ATP2C2: variants seen among roughly 807,000 people sequenced by gnomAD.
ATP2C2 encodes calcium-transporting ATPase type 2C member 2.
ATP2C2 carries 171 observed loss-of-function variants against 110.8 expected under a neutral mutation model. The ratio of observed to expected loss-of-function variants is 1.54; its 90% confidence interval spans 1.36 to 1.75. The LOEUF is 1.75. Ranked by LOEUF, ATP2C2 falls within the 40% of genes most tolerant of loss-of-function variation. The pLI, the probability that ATP2C2 is intolerant of heterozygous loss-of-function variation, is 0.00. For synonymous variants in ATP2C2, 804 were observed against 508.4 expected (o/e 1.58, Z -7.82); for missense variants, 1,963 against 1,235.0 (o/e 1.59, Z -8.84).
intron 15 of ATP2C2, among the ~76,000 whole-genome samples, chr16:84,443,020 G>A (rs1047377853): frequency 2.6e-5 from 4 of 152,264 alleles, no homozygotes; most frequent in African/African-American, 9.6e-5. Flanking sequence ...CTCTGTGGCT[G>A]TGCAGGGTTG....
rs1053330434 is a variant in ATP2C2 at position 84,459,359 on chromosome 16, T to A, written c.2306T>A (p.Ile769Asn). ...GCCATGCAGATCCTATGGATCAACATCATCATGGATGGGCCACCGGCGCAG... is the reference window on the plus strand; with the variant it reads ...GCCATGCAGATCCTATGGATCAACAACATCATGGATGGGCCACCGGCGCAG... ...LNAMQILWIN[I>N]IMDGPPAQSL... The change falls in exon 23 of 27, where the codon ATC (isoleucine) becomes AAC (asparagine). Residue 769 changes from isoleucine to asparagine, a missense_variant. Coordinates refer to ENST00000262429, the MANE Select transcript of ATP2C2 (RefSeq NM_014861.4). 2.5e-6 allele frequency: 4 copies of A among 1,614,164 alleles called. No homozygotes were observed. The highest frequency in any genetic ancestry group is 3.4e-6 in the Non-Finnish European group (4 of 1,180,018).
intron 15 of ATP2C2, among the ~76,000 whole-genome samples, chr16:84,443,177 G>T (rs1365938009): frequency 6.6e-6 from 1 of 152,090 alleles, no homozygotes; most frequent in Non-Finnish European, 1.5e-5. Context: ...GGCTGGGAAT[G>T]CAGGTGACAG....
Position 84,422,441 on chromosome 16 carries a change from T to C in ATP2C2, c.676T>C (p.Cys226Arg), listed in dbSNP as rs1907426176. 6 of 1,614,134 alleles carry C rather than the reference T, an allele frequency of 3.7e-6. 1 individual carries two copies. In the African/African-American group the frequency reaches 4.0e-5, roughly 11 times the overall value. ...CAGTTTCACCGGGGAAGCCGAGCCA[T>C]GTAGTAAAACAGACAGCCCCTTGAC... is the stretch of plus-strand genomic sequence containing the variant. Reference protein sequence around the residue: ...ESSFTGEAEPCSKTDSPLTGG... With the variant: ...ESSFTGEAEPRSKTDSPLTGG... Residue 226 changes from cysteine to arginine, a missense_variant, in exon 8 of 27, where the codon TGT becomes CGT. By Grantham distance (180) the Cys-to-Arg change is radical. Transcript: ENST00000262429.
intron 7 of ATP2C2, among the ~76,000 whole-genome samples, chr16:84,418,204 C>A (rs1007650246): frequency 2.6e-5 from 4 of 152,302 alleles, no homozygotes; most frequent in Admixed American, 2.0e-4. Flanking sequence ...GGGCATGAGC[C>A]CTGTGTGTGG....
chr16:84,433,305 C>G (rs928026624), intron 11 of ATP2C2, among the ~76,000 whole-genome samples: 33 of 152,060 alleles, frequency 2.2e-4, no homozygotes, highest in African/African-American at 8.0e-4. Flanking sequence ...ATTGCTTGAG[C>G]CTGGGAAGTC....
chr16:84,400,663 A>G (rs920550815), intron 2 of ATP2C2, among the ~76,000 whole-genome samples: 1 of 152,232 alleles, frequency 6.6e-6, no homozygotes, highest in African/African-American at 2.4e-5. Context: ...CAAACTGTTC[A>G]CCAGTCATAC....
intron 1 of ATP2C2, among the ~76,000 whole-genome samples, chr16:84,392,612 G>A (rs748971218): frequency 1.1e-4 from 17 of 152,206 alleles, no homozygotes; most frequent in East Asian, 1.9e-4. Context: ...ACAGGTGCCC[G>A]CCACCACGCC....
At chr16:84,382,196 T>G (rs981385020) in intron 1 of ATP2C2, among the ~76,000 whole-genome samples, 1 of 152,182 alleles carries the variant, frequency 6.6e-6, no homozygotes, top group African/African-American at 2.4e-5. Flanking sequence ...CCATGCGTTC[T>G]CATTGTTCAA....
rs145131999 is a variant in ATP2C2 at position 84,447,471 on chromosome 16, G to C, written c.1503+1041G>C. ...AGAGGTAATTCTATTTTAAGTCTGGGATGGAGCATTGCAGATTTTAAATAT... is the reference window on the plus strand; with the variant it reads ...AGAGGTAATTCTATTTTAAGTCTGGCATGGAGCATTGCAGATTTTAAATAT... On this transcript the variant is annotated intron_variant, in intron 16 of 26. Transcript: ENST00000262429. 2.2e-3 allele frequency among the ~76,000 whole-genome samples: 330 copies of C among 151,846 alleles called. 1 individual carries two copies. The highest frequency in any genetic ancestry group is 6.8e-3 in the Middle Eastern group (2 of 294).
At chr16:84,400,555 C>A (rs920411122) in intron 2 of ATP2C2, among the ~76,000 whole-genome samples, 19 of 152,168 alleles carry the variant, frequency 1.2e-4, no homozygotes, top group African/African-American at 4.3e-4. Context: ...TCTCGATCTC[C>A]TGACCTCATG....
chr16:84,397,701 T>C (rs1905082394), intron 1 of ATP2C2, among the ~76,000 whole-genome samples: 1 of 121,778 alleles, frequency 8.2e-6, no homozygotes, highest in South Asian at 2.8e-4. Flanking sequence ...GCATCAGTAT[T>C]AGCCAACAAC....
chr16:84,427,451 C>T (rs994435537), intron 11 of ATP2C2, among the ~76,000 whole-genome samples: 1 of 152,116 alleles, frequency 6.6e-6, no homozygotes, highest in Non-Finnish European at 1.5e-5. Context: ...GGCGCGGTGG[C>T]TCATACCTGT....
intron 3 of ATP2C2, 82 bp from the exon 4 acceptor site, chr16:84,408,323 C>A: frequency 1.5e-6 from 2 of 1,359,728 alleles, no homozygotes; most frequent in Non-Finnish European, 2.1e-6. Flanking sequence ...AGACCCCTGT[C>A]ACACAAACTT....
intron 15 of ATP2C2, among the ~76,000 whole-genome samples, chr16:84,442,947 T>C (rs1909407602): frequency 6.6e-6 from 1 of 151,982 alleles, no homozygotes. Flanking sequence ...GAGGCACCAC[T>C]GGGAGGGGCT....
intron 11 of ATP2C2, among the ~76,000 whole-genome samples, chr16:84,431,214 A>AGAAG (rs1908248793): frequency 6.6e-6 from 1 of 152,030 alleles, no homozygotes; most frequent in African/African-American, 2.4e-5. Context: ...GGAGGTAGAA[A>AGAAG]CCAGCTGGGC....
At chr16:84,455,636 C>A (rs1049029236) in intron 21 of ATP2C2, among the ~76,000 whole-genome samples, 19 of 151,744 alleles carry the variant, frequency 1.3e-4, no homozygotes, top group African/African-American at 4.6e-4. Flanking sequence ...TGAGGGAAAA[C>A]TTTTTAAGCC....
At chr16:84,402,685 T>C (rs1246079572) in intron 2 of ATP2C2, among the ~76,000 whole-genome samples, 1 of 152,224 alleles carries the variant, frequency 6.6e-6, no homozygotes, top group East Asian at 1.9e-4. Context: ...GTTATTGCAT[T>C]CAATTTGCTT....
At chr16:84,459,830 A>G in intron 23 of ATP2C2, 4 of 442,958 alleles carry the variant, frequency 9.0e-6, no homozygotes, top group South Asian at 4.9e-5. Context: ...CATCAGTTTC[A>G]TGGAGGCGGA....
chr16:84,459,054 A>G (rs953553562), intron 21 of ATP2C2, 66 bp from the exon 22 acceptor site: 36 of 1,559,090 alleles, frequency 2.3e-5, no homozygotes, highest in Non-Finnish European at 2.9e-5. Context: ...CCTTGCAGCA[A>G]CCGATGCACT....
Sources: gnomAD v4.1 joint callset for allele counts (sites outside exome capture counted in the v4.1 genomes callset) on GRCh38, gnomAD v4.1.1 for gene constraint, MANE v1.5 for transcripts, NCBI Gene and HGNC (gene_info 2026-07-23, HGNC 2026-07-21) for gene names.